The following CSRNP3 variants were observed in gnomAD, a reference collection of about 807,000 sequenced individuals.
CSRNP3 encodes the protein cysteine and serine rich nuclear protein 3, also known as cysteine/serine-rich nuclear protein 3.
CSRNP3 carries 12 observed loss-of-function variants against 48.0 expected under a neutral mutation model. The ratio of observed to expected loss-of-function variants is 0.25; its 90% CI spans 0.16 to 0.41. The LOEUF (loss-of-function observed/expected upper bound fraction) is 0.41. Ranked by LOEUF, CSRNP3 falls within the 10% of genes least tolerant of loss-of-function variation. The pLI is 1.00. For missense variants in CSRNP3, 580 were observed against 724.4 expected, an observed-to-expected ratio of 0.80 and a Z score of 2.29; for synonymous variants, 263 against 269.7, an observed-to-expected ratio of 0.98 and a Z score of 0.24.
intron 4 of CSRNP3, among the ~76,000 whole-genome samples, chr2:165,634,616 G>A (rs73029902): frequency 0.061 from 9,243 of 152,186 alleles, 426 homozygotes; most frequent in African/African-American, 0.13. Flanking sequence ...AATAGCTTAC[G>A]GAAGTTAAGG....
chr2:165,546,799 G>A (rs1187665992), intron 3 of CSRNP3, among the ~76,000 whole-genome samples: 2 of 152,134 alleles, frequency 1.3e-5, no homozygotes, highest in African/African-American at 4.8e-5. Context: ...GAAAACCTAT[G>A]TATAATTTGG....
intron 1 of CSRNP3, among the ~76,000 whole-genome samples, chr2:165,484,323 C>T (rs1684085399): frequency 6.6e-6 from 1 of 152,062 alleles, no homozygotes; most frequent in South Asian, 2.1e-4. Flanking sequence ...AAACTCCTGG[C>T]CTCCAGTGAT....
chr2:165,688,521 G>C lies in CSRNP3; in HGVS notation c.*8768G>C, dbSNP rs1687667391. 1 of 152,048 alleles carries C rather than the reference G, an allele frequency of 6.6e-6. No homozygotes were observed. The highest frequency in any genetic ancestry group is 2.4e-5 in the African/African-American group (1 of 41,420). The allele number at this position is 152,048 out of a possible 1,614,324, so 9.4% of individuals were successfully genotyped here. On this transcript the variant is annotated 3_prime_UTR_variant, in exon 7 of 7. Coordinates refer to ENST00000651982, the MANE Select transcript of CSRNP3 (RefSeq NM_001172173.2). ...TCCCATTTTAAAAATATGTATAATT[G>C]GTTGCATAGACATATGTCACTTTTT...
At chr2:165,659,169 G>A (rs1363096849) in intron 5 of CSRNP3, among the ~76,000 whole-genome samples, 1 of 152,186 alleles carries the variant, frequency 6.6e-6, no homozygotes, top group Non-Finnish European at 1.5e-5. Flanking sequence ...GGTAAGTGGT[G>A]TTGAGACGGG....
At chr2:165,523,746 A>G (rs1167398667) in intron 3 of CSRNP3, among the ~76,000 whole-genome samples, 1 of 152,196 alleles carries the variant, frequency 6.6e-6, no homozygotes, top group Admixed American at 6.5e-5. Flanking sequence ...AGGTGGCTAT[A>G]GGTAATATAA....
chr2:165,470,849 TAATAA>T (rs956017279), intron 1 of CSRNP3, among the ~76,000 whole-genome samples: 2 of 152,174 alleles, frequency 1.3e-5, no homozygotes, highest in African/African-American at 4.8e-5. Context: ...TTGATTATAA[TAATAA>T]AATAAAAGTC....
chr2:165,524,236 G>T (rs977269953), intron 3 of CSRNP3, among the ~76,000 whole-genome samples: 1 of 152,198 alleles, frequency 6.6e-6, no homozygotes. Context: ...AGGGAAGGAC[G>T]ATGGCTTATT....
At chr2:165,599,375 T>TTTTGTTTG (rs10686079) in intron 4 of CSRNP3, among the ~76,000 whole-genome samples, 1 of 150,818 alleles carries the variant, frequency 6.6e-6, no homozygotes, top group African/African-American at 2.4e-5. Context: ...TCTGAGGTTT[T>TTTTGTTTG]TTTGTTTGTT....
chr2:165,509,040 C>G (rs368444801), intron 2 of CSRNP3, among the ~76,000 whole-genome samples: 7 of 152,140 alleles, frequency 4.6e-5, no homozygotes, highest in African/African-American at 1.7e-4. Context: ...ATACATACTC[C>G]TATCAGCTTT....
At chr2:165,552,024 G>T (rs1685102215) in intron 3 of CSRNP3, among the ~76,000 whole-genome samples, 1 of 152,164 alleles carries the variant, frequency 6.6e-6, no homozygotes, top group South Asian at 2.1e-4. Context: ...TATATTCCTT[G>T]CTTAAGAAAA....
intron 3 of CSRNP3, among the ~76,000 whole-genome samples, chr2:165,577,579 A>G (rs1189157140): frequency 6.6e-6 from 1 of 151,846 alleles, no homozygotes; most frequent in Admixed American, 6.6e-5. Flanking sequence ...TTTTCATGAC[A>G]TAATAATTAT....
At chr2:165,541,553 C>A (rs181811369) in intron 3 of CSRNP3, among the ~76,000 whole-genome samples, 1 of 152,110 alleles carries the variant, frequency 6.6e-6, no homozygotes, top group Non-Finnish European at 1.5e-5. Context: ...CTTCTCTCTC[C>A]ACTTTAGAGC....
chr2:165,590,734 TGAA>T (rs1177823323), intron 3 of CSRNP3, among the ~76,000 whole-genome samples: 2 of 152,244 alleles, frequency 1.3e-5, no homozygotes, highest in African/African-American at 4.8e-5. Context: ...TGCAGCCATG[TGAA>T]GAAGGACGTG....
rs1384673915 is a variant in CSRNP3, at chr2:165,684,529, T to TA, written c.*4777dup. On this transcript the variant is annotated 3_prime_UTR_variant, in exon 7 of 7. Coordinates refer to ENST00000651982, the MANE Select transcript of CSRNP3 (RefSeq NM_001172173.2). ...AAATTAGAACTGTTGGTTGTATTCT[T>TA]ACCACAACCAAAACCCAAAGTTTAA... The TA allele has an allele frequency of 6.6e-6, 1 of 152,116 alleles. No individual in the cohort carries two copies. 9.4% of individuals were successfully genotyped at this position (152,116 alleles called of 1,614,324 possible).
At chr2:165,507,750 T>C (rs1479878113) in intron 2 of CSRNP3, among the ~76,000 whole-genome samples, 1 of 152,208 alleles carries the variant, frequency 6.6e-6, no homozygotes, top group Admixed American at 6.5e-5. Context: ...ATGAAAGTAC[T>C]TAAACATGTA....
At chr2:165,657,111 C>A (rs1433473101) in intron 4 of CSRNP3, among the ~76,000 whole-genome samples, 1 of 152,144 alleles carries the variant, frequency 6.6e-6, no homozygotes, top group East Asian at 1.9e-4. Flanking sequence ...GGATTTGAAT[C>A]TTCTCTTTGT....
intron 3 of CSRNP3, among the ~76,000 whole-genome samples, chr2:165,560,343 G>A (rs979092225): frequency 2.0e-5 from 3 of 152,154 alleles, no homozygotes; most frequent in Admixed American, 2.0e-4. Context: ...AAGCCGTTTT[G>A]AAAATTACCC....
chr2:165,560,167 A>G (rs947719397), intron 3 of CSRNP3, among the ~76,000 whole-genome samples: 72 of 152,142 alleles, frequency 4.7e-4, no homozygotes, highest in African/African-American at 1.7e-3. Flanking sequence ...TGCTTTCCTT[A>G]GGGAGCTCAC....
At chr2:165,500,924 A>G (rs1684350694) in intron 2 of CSRNP3, among the ~76,000 whole-genome samples, 1 of 152,168 alleles carries the variant, frequency 6.6e-6, no homozygotes, top group African/African-American at 2.4e-5. Context: ...TTTTTCCAAC[A>G]TAGCCTGTCC....
Sources: allele counts gnomAD v4.1 joint callset (sites outside exome capture counted in the v4.1 genomes callset), GRCh38; gene constraint gnomAD v4.1.1; transcripts MANE v1.5; gene names NCBI Gene and HGNC (gene_info 2026-07-23, HGNC 2026-07-21).